Variants in SHC3 observed in about 807,000 individuals in gnomAD.
The protein encoded by SHC3 is SHC adaptor protein 3.
SHC3 carries 15 observed loss-of-function variants against 60.4 expected under a neutral mutation model. That is an observed-to-expected ratio of 0.25 (90% CI 0.17 to 0.38). The LOEUF (loss-of-function observed/expected upper bound fraction) is 0.38. Ranked by LOEUF, SHC3 falls within the 10% of genes least tolerant of loss-of-function variation. SHC3 has a pLI of 1.00. For synonymous variants in SHC3, 294 were observed against 325.9 expected, an observed-to-expected ratio of 0.90 and a Z score of 1.05; for missense variants, 677 against 786.1, an observed-to-expected ratio of 0.86 and a Z score of 1.66.
chr9:89,123,690 C>A (rs976654869), intron 1 of SHC3, among the ~76,000 whole-genome samples: 3 of 152,158 alleles, frequency 2.0e-5, no homozygotes, highest in Non-Finnish European at 2.9e-5. Flanking sequence ...ATCATTCCGT[C>A]CTCCTGTTTC....
intron 6 of SHC3, among the ~76,000 whole-genome samples, chr9:89,059,715 ATGGT>A: frequency 6.6e-5 from 1 of 15,050 alleles, no homozygotes; most frequent in African/African-American, 3.9e-4. Context: ...ATGGTGGAGG[ATGGT>A]GGTGCAGGAC....
At chr9:89,071,351 T>C in intron 4 of SHC3, 99 bp from the exon 5 acceptor site, 1 of 1,240,546 alleles carries the variant, frequency 8.1e-7, no homozygotes, top group Non-Finnish European at 1.2e-6. Context: ...ATTGACATGT[T>C]TTCCTGAAAA....
At chr9:89,071,162 C>A (rs1351291283) in intron 5 of SHC3, 37 bp downstream of exon 5, 1 of 1,606,376 alleles carries the variant, frequency 6.2e-7, no homozygotes, top group East Asian at 2.2e-5. Flanking sequence ...TCAGAAATTC[C>A]CAACAAGAGC....
chr9:89,177,869 G>A, intron 1 of SHC3, 118 bp downstream of exon 1: 1 of 1,129,532 alleles, frequency 8.9e-7, no homozygotes, highest in Non-Finnish European at 1.1e-6. Context: ...GCATTTGCTT[G>A]CCTCTAACGT....
chr9:89,099,701 G>A (rs1825755873), intron 2 of SHC3, among the ~76,000 whole-genome samples: 1 of 152,154 alleles, frequency 6.6e-6, no homozygotes, highest in Admixed American at 6.5e-5. Context: ...CCACACAACT[G>A]CCATGGGCCT....
intron 2 of SHC3, chr9:89,109,091 C>A: frequency 1.0e-6 from 1 of 985,628 alleles, no homozygotes; most frequent in South Asian, 4.7e-5. Context: ...CACACAGCTT[C>A]TCTCAGCCTG....
intron 2 of SHC3, among the ~76,000 whole-genome samples, chr9:89,080,061 G>A (rs1349279108): frequency 1.3e-5 from 2 of 152,188 alleles, no homozygotes; most frequent in East Asian, 1.9e-4. Flanking sequence ...TGCCTGGAAT[G>A]AGTTACTTTA....
intron 3 of SHC3, among the ~76,000 whole-genome samples, chr9:89,075,606 C>G (rs112408977): frequency 7.1e-4 from 108 of 152,294 alleles, no homozygotes; most frequent in African/African-American, 2.5e-3. Context: ...ATCATCACAC[C>G]TACTTCAGAG....
chr9:89,103,876 C>T (rs566729978), intron 2 of SHC3, among the ~76,000 whole-genome samples: 3 of 152,216 alleles, frequency 2.0e-5, no homozygotes, highest in African/African-American at 7.2e-5. Context: ...AGACTCTAAA[C>T]CTACTACCAG....
chr9:89,165,167 G>A (rs1017527284), intron 1 of SHC3, among the ~76,000 whole-genome samples: 15 of 151,996 alleles, frequency 9.9e-5, no homozygotes, highest in African/African-American at 3.6e-4. Flanking sequence ...TATAAAGTTA[G>A]AAAAGCAAGT....
At chr9:89,134,554 AGTT>A (rs1826293835) in intron 1 of SHC3, among the ~76,000 whole-genome samples, 1 of 152,060 alleles carries the variant, frequency 6.6e-6, no homozygotes, top group African/African-American at 2.4e-5. Flanking sequence ...TAATAATTAT[AGTT>A]GTTATGTTAA....
intron 2 of SHC3, among the ~76,000 whole-genome samples, chr9:89,108,451 G>T (rs1161229599): frequency 1.3e-5 from 2 of 152,090 alleles, no homozygotes; most frequent in Non-Finnish European, 2.9e-5. Flanking sequence ...AGCCTGGGAG[G>T]CAGAGGTTGC....
intron 1 of SHC3, among the ~76,000 whole-genome samples, chr9:89,132,490 T>C (rs1440863928): frequency 6.6e-6 from 1 of 152,202 alleles, no homozygotes; most frequent in East Asian, 1.9e-4. Context: ...GGAGGCATCA[T>C]ACTACCTGAC....
chr9:89,041,436 C>T (rs1466521437), intron 10 of SHC3, among the ~76,000 whole-genome samples: 2 of 152,116 alleles, frequency 1.3e-5, no homozygotes, highest in African/African-American at 2.4e-5. Flanking sequence ...TGTATATCTC[C>T]ATCAAGTAGA....
intron 2 of SHC3, among the ~76,000 whole-genome samples, chr9:89,105,803 A>T (rs887559226): frequency 6.6e-6 from 1 of 152,224 alleles, no homozygotes; most frequent in Non-Finnish European, 1.5e-5. Context: ...TTAATGCCAC[A>T]TCACCACATA....
chr9:89,050,558 T>G (rs897246224), intron 7 of SHC3, among the ~76,000 whole-genome samples: 7 of 152,240 alleles, frequency 4.6e-5, no homozygotes, highest in African/African-American at 1.7e-4. Flanking sequence ...AGTACTGAGA[T>G]TACAGGTGTG....
intron 1 of SHC3, among the ~76,000 whole-genome samples, chr9:89,132,753 T>G (rs994540378): frequency 1.3e-5 from 2 of 152,190 alleles, no homozygotes; most frequent in African/African-American, 4.8e-5. Context: ...TATACAAAAA[T>G]TAATTCAAGA....
chr9:89,109,746 C>T (rs776524325), intron 2 of SHC3: 1 of 985,566 alleles, frequency 1.0e-6, no homozygotes, highest in Non-Finnish European at 1.2e-6. Flanking sequence ...CAGGCTCCTG[C>T]TCCCTTCTTC....
chr9:89,106,417 C>A (rs1323570683), intron 2 of SHC3, among the ~76,000 whole-genome samples: 1 of 152,218 alleles, frequency 6.6e-6, no homozygotes, highest in Non-Finnish European at 1.5e-5. Context: ...ATGGACAGTC[C>A]CGTAAATGCT....
Sources: gnomAD v4.1 joint callset for allele counts (sites outside exome capture counted in the v4.1 genomes callset) on GRCh38, gnomAD v4.1.1 for gene constraint, MANE v1.5 for transcripts, NCBI Gene and HGNC (gene_info 2026-07-23, HGNC 2026-07-21) for gene names.